EYS: variants seen among roughly 807,000 people sequenced by gnomAD.
EYS encodes protein eyes shut homolog.
Under a neutral mutation model 282.1 loss-of-function variants are expected in EYS, and 250 were observed. The observed-to-expected ratio is 0.89, with a 90% CI of 0.80 to 0.98. EYS has a LOEUF of 0.98. Among genes scored for constraint, EYS ranks in the 50% least tolerant of loss-of-function variants. EYS has a pLI of 0.00. For synonymous variants in EYS, 1,355 were observed against 1,282.9 expected (o/e 1.06, Z -1.20); for missense variants, 4,016 against 3,709.0 (o/e 1.08, Z -2.15).
chr6:65,540,212 T>C (rs1165786150), intron 2 of EYS, among the ~76,000 whole-genome samples: 1 of 152,156 alleles, frequency 6.6e-6, no homozygotes, highest in Non-Finnish European at 1.5e-5. Context: ...ATTCCAATGA[T>C]ACCAAGCACA....
At chr6:63,762,690 C>G in intron 40 of EYS, 57 bp from the exon 41 acceptor site, 3 of 1,439,654 alleles carry the variant, frequency 2.1e-6, no homozygotes, top group Middle Eastern at 1.7e-4. Flanking sequence ...TGGATACATA[C>G]TATGTATTGC....
At chr6:65,413,057 C>T (rs548950644) in intron 5 of EYS, among the ~76,000 whole-genome samples, 8 of 152,114 alleles carry the variant, frequency 5.3e-5, no homozygotes, top group African/African-American at 1.9e-4. Flanking sequence ...CCCAGAATCC[C>T]TGAATAAAAA....
At chr6:64,336,552 C>G (rs534405900) in intron 29 of EYS, among the ~76,000 whole-genome samples, 1 of 152,062 alleles carries the variant, frequency 6.6e-6, no homozygotes, top group Non-Finnish European at 1.5e-5. Flanking sequence ...CCACTGACAG[C>G]CCTAGACAGG....
intron 13 of EYS, among the ~76,000 whole-genome samples, chr6:65,002,454 G>A (rs2150128278): frequency 6.8e-6 from 1 of 147,692 alleles, no homozygotes; most frequent in Non-Finnish European, 1.5e-5. Context: ...TATCTATACA[G>A]ATATTTCAGT....
intron 29 of EYS, among the ~76,000 whole-genome samples, chr6:64,383,639 A>G (rs575744099): frequency 7.7e-4 from 117 of 152,364 alleles, no homozygotes; most frequent in Middle Eastern, 6.8e-3. Context: ...TATTTTCACC[A>G]GTAAGTGGAC....
At chr6:64,799,694 A>T (rs1261791745) in intron 22 of EYS, among the ~76,000 whole-genome samples, 1 of 149,904 alleles carries the variant, frequency 6.7e-6, no homozygotes, top group East Asian at 1.9e-4. Context: ...TATATAATTA[A>T]TACATTTATA....
At chr6:64,307,779 T>G (rs1769509580) in intron 29 of EYS, among the ~76,000 whole-genome samples, 1 of 152,034 alleles carries the variant, frequency 6.6e-6, no homozygotes, top group African/African-American at 2.4e-5. Flanking sequence ...TGCTTCACTA[T>G]AGTTACTATT....
At chr6:64,014,026 G>T (rs1331255850) in intron 33 of EYS, among the ~76,000 whole-genome samples, 2 of 151,608 alleles carry the variant, frequency 1.3e-5, no homozygotes, top group Non-Finnish European at 2.9e-5. Flanking sequence ...TAGTTTTAGG[G>T]GTGTTCACTC....
At chr6:65,673,605 G>T (rs573988025) in intron 1 of EYS, among the ~76,000 whole-genome samples, 2 of 151,958 alleles carry the variant, frequency 1.3e-5, no homozygotes, top group Admixed American at 1.3e-4. Context: ...TTGATGAGGC[G>T]TGTTTTTAAA....
intron 22 of EYS, chr6:64,631,600 C>T (rs929344148): frequency 6.6e-6 from 1 of 152,076 alleles, no homozygotes; most frequent in Admixed American, 6.5e-5. Flanking sequence ...AACGATAATG[C>T]AGAGCCCATG....
chr6:64,562,901 AT>A (rs1301691282), intron 26 of EYS, among the ~76,000 whole-genome samples: 1 of 151,916 alleles, frequency 6.6e-6, no homozygotes, highest in Non-Finnish European at 1.5e-5. Flanking sequence ...AATGATTTTC[AT>A]TTGGTTGCAG....
At chr6:64,995,365 C>T (rs917631943) in intron 14 of EYS, among the ~76,000 whole-genome samples, 3 of 152,094 alleles carry the variant, frequency 2.0e-5, no homozygotes, top group Non-Finnish European at 1.5e-5. Flanking sequence ...TTTCCCTTTG[C>T]TAATTTTAAT....
At chr6:64,520,846 CAGTT>C (rs1321688199) in intron 26 of EYS, among the ~76,000 whole-genome samples, 1 of 151,634 alleles carries the variant, frequency 6.6e-6, no homozygotes, top group African/African-American at 2.4e-5. Context: ...TCTGGTGTAT[CAGTT>C]AGGATTTGAT....
chr6:64,790,479 T>A (rs527827307), intron 22 of EYS, among the ~76,000 whole-genome samples: 10 of 152,054 alleles, frequency 6.6e-5, no homozygotes, highest in African/African-American at 1.7e-4. Flanking sequence ...AATCACCCGA[T>A]AAGATACAGA....
chr6:64,409,462 G>T (rs1773818862), intron 28 of EYS, among the ~76,000 whole-genome samples: 1 of 152,140 alleles, frequency 6.6e-6, no homozygotes, highest in South Asian at 2.1e-4. Flanking sequence ...AGAAAAAGGT[G>T]ATCCTTGAGA....
intron 31 of EYS, among the ~76,000 whole-genome samples, chr6:64,172,450 G>A (rs1354968584): frequency 3.9e-5 from 6 of 152,088 alleles, no homozygotes; most frequent in East Asian, 3.9e-4. Context: ...TAGTTACCAC[G>A]CGTGAGCGAA....
chr6:63,786,725 A>G (rs1004747710), intron 39 of EYS, among the ~76,000 whole-genome samples: 4 of 152,154 alleles, frequency 2.6e-5, no homozygotes, highest in Non-Finnish European at 5.9e-5. Flanking sequence ...TTTAAAAAAT[A>G]TATGGTGGCT....
intron 29 of EYS, among the ~76,000 whole-genome samples, chr6:64,341,786 C>A (rs1241978176): frequency 6.6e-6 from 1 of 151,666 alleles, no homozygotes; most frequent in Non-Finnish European, 1.5e-5. Flanking sequence ...CATTCTCTAA[C>A]CACTTGCCCA....
At chr6:64,069,425 AG>A (rs1771491177) in intron 32 of EYS, among the ~76,000 whole-genome samples, 2 of 151,860 alleles carry the variant, frequency 1.3e-5, no homozygotes, top group African/African-American at 2.4e-5. Context: ...TGTTTTTATC[AG>A]TATATGTATG....
Sources: gnomAD v4.1 joint callset for allele counts (sites outside exome capture counted in the v4.1 genomes callset) on GRCh38, gnomAD v4.1.1 for gene constraint, MANE v1.5 for transcripts, NCBI Gene and HGNC (gene_info 2026-07-23, HGNC 2026-07-21) for gene names.